Variants in HSPA12A observed in about 807,000 individuals in gnomAD.
HSPA12A encodes the protein heat shock protein family A (Hsp70) member 12A.
A neutral mutation model predicts 69.2 loss-of-function variants in HSPA12A; 28 were observed. The observed-to-expected ratio is 0.40, with a 90% CI of 0.30 to 0.55. HSPA12A has a LOEUF of 0.55. Among genes scored for constraint, HSPA12A ranks in the 20% least tolerant of loss-of-function variants. HSPA12A has a pLI of 0.38. For missense variants in HSPA12A, 686 were observed against 900.7 expected (o/e 0.76, Z 3.05); for synonymous variants, 345 against 370.5 (o/e 0.93, Z 0.79).
intron 1 of HSPA12A, among the ~76,000 whole-genome samples, chr10:116,724,550 G>A (rs1850887808): frequency 6.6e-6 from 1 of 152,146 alleles, no homozygotes; most frequent in Non-Finnish European, 1.5e-5. Flanking sequence ...TGGCCAGTCT[G>A]GAAGGCTCCC....
intron 2 of HSPA12A, among the ~76,000 whole-genome samples, chr10:116,763,498 T>C (rs1472154906): frequency 2.0e-5 from 3 of 152,172 alleles, no homozygotes; most frequent in African/African-American, 2.4e-5. Context: ...CGCTTCTGTT[T>C]GTATAGTGCG....
chr10:116,711,358 C>T (rs1850421507), intron 1 of HSPA12A, among the ~76,000 whole-genome samples: 2 of 152,056 alleles, frequency 1.3e-5, no homozygotes, highest in South Asian at 2.1e-4. Flanking sequence ...TTCCTATAGT[C>T]GAGGCTTGAG....
chr10:116,777,676 T>C (rs1336459131), intron 2 of HSPA12A, among the ~76,000 whole-genome samples: 1 of 152,226 alleles, frequency 6.6e-6, no homozygotes, highest in African/African-American at 2.4e-5. Context: ...ACAAATAAGC[T>C]TAAGTGCATC....
At chr10:116,688,939 T>C (rs1849655707) in intron 6 of HSPA12A, among the ~76,000 whole-genome samples, 1 of 152,232 alleles carries the variant, frequency 6.6e-6, no homozygotes, top group Non-Finnish European at 1.5e-5. Context: ...CTTTCTGTTA[T>C]CATCTTTTCA....
At chr10:116,790,838 G>A (rs11812234) in intron 2 of HSPA12A, among the ~76,000 whole-genome samples, 6,441 of 152,016 alleles carry the variant, frequency 0.042, 364 homozygotes, top group African/African-American at 0.12. Context: ...CTACAGGAGC[G>A]CACCACCACA....
At chr10:116,802,242 A>T (rs1202818309) in intron 2 of HSPA12A, among the ~76,000 whole-genome samples, 1 of 152,198 alleles carries the variant, frequency 6.6e-6, no homozygotes, top group Non-Finnish European at 1.5e-5. Context: ...GTAGGACAAT[A>T]ATCAGTGAAC....
intron 1 of HSPA12A, among the ~76,000 whole-genome samples, chr10:116,719,607 T>C (rs1277402374): frequency 6.6e-6 from 1 of 152,266 alleles, no homozygotes; most frequent in Admixed American, 6.5e-5. Context: ...TCTCTGGTGC[T>C]TGGTTTTCCT....
chr10:116,708,425 A>C (rs1554882741), intron 1 of HSPA12A, among the ~76,000 whole-genome samples: 1 of 152,238 alleles, frequency 6.6e-6, no homozygotes, highest in Non-Finnish European at 1.5e-5. Context: ...CTAGGGGAGC[A>C]GGTGGAATGG....
intron 1 of HSPA12A, among the ~76,000 whole-genome samples, chr10:116,714,034 G>GGGTGGGTGGAT (rs1382301430): frequency 0.028 from 4,187 of 150,964 alleles, 225 homozygotes; most frequent in African/African-American, 0.097. Context: ...ATGGATGGAT[G>GGGTGGGTGGAT]GGTGGGTGGA....
chr10:116,749,946 G>T, intron 2 of HSPA12A: 1 of 187,090 alleles, frequency 5.3e-6, no homozygotes, highest in Non-Finnish European at 1.1e-5. Flanking sequence ...TGCTTTAAGA[G>T]ATACAAAGTG....
intron 2 of HSPA12A, among the ~76,000 whole-genome samples, chr10:116,825,079 T>TG (rs977512645): frequency 2.4e-4 from 36 of 150,188 alleles, no homozygotes; most frequent in African/African-American, 7.9e-4. Flanking sequence ...TCCTAGCTAC[T>TG]GGGGGGCTGT....
chr10:116,691,665 G>A (rs141648059), intron 6 of HSPA12A, among the ~76,000 whole-genome samples: 1,918 of 152,314 alleles, frequency 0.013, 24 homozygotes, highest in Middle Eastern at 0.044. Context: ...AGCATGGCTC[G>A]CCATTCCTGC....
chr10:116,716,688 G>A (rs1163395658), intron 1 of HSPA12A, among the ~76,000 whole-genome samples: 1 of 152,172 alleles, frequency 6.6e-6, no homozygotes, highest in Non-Finnish European at 1.5e-5. Flanking sequence ...TAGAGGAACA[G>A]AAGAAAAACA....
At chr10:116,700,168 C>A (rs1310593252) in intron 4 of HSPA12A, among the ~76,000 whole-genome samples, 1 of 152,160 alleles carries the variant, frequency 6.6e-6, no homozygotes, top group Non-Finnish European at 1.5e-5. Flanking sequence ...TCAAAGGTAC[C>A]AGTGACCAGA....
intron 1 of HSPA12A, among the ~76,000 whole-genome samples, chr10:116,845,174 T>A (rs562313023): frequency 6.6e-6 from 1 of 152,164 alleles, no homozygotes; most frequent in African/African-American, 2.4e-5. Flanking sequence ...CATAAATGTA[T>A]CCCTTTTCAT....
At chr10:116,746,007 C>G (rs1303601652), upstream of HSPA12A, among the ~76,000 whole-genome samples, 1 of 152,108 alleles carries the variant, frequency 6.6e-6, no homozygotes, top group Non-Finnish European at 1.5e-5. Context: ...TGCCAGCTCT[C>G]CAAAGTGGGA....
intron 2 of HSPA12A, among the ~76,000 whole-genome samples, chr10:116,825,975 A>G (rs1172409095): frequency 6.6e-6 from 1 of 152,194 alleles, no homozygotes; most frequent in African/African-American, 2.4e-5. Context: ...GCAGGAATAC[A>G]ACAGAAAGGC....
At position 116,718,218 on chromosome 10, in the gene HSPA12A, C is replaced by T. The variant is rs117228752; in HGVS notation, c.41-10933G>A. ...CACGGCACAGCTAGTGCTGCCTGGA[C>T]TGAGGCTAAAGAAAGGGCCGAGGCC... is the stretch of plus-strand genomic sequence containing the variant. On this transcript the variant is annotated intron_variant, in intron 1 of 11. Transcript: ENST00000369209. Among the ~76,000 whole-genome samples, 12 of 152,350 alleles carry T rather than the reference C, an allele frequency of 7.9e-5. No homozygotes were observed. The East Asian group carries it at 2.3e-3, about 29-fold the overall frequency.
intron 7 of HSPA12A, among the ~76,000 whole-genome samples, chr10:116,682,964 A>G (rs1396993808): frequency 1.3e-5 from 2 of 150,492 alleles, no homozygotes; most frequent in Admixed American, 6.6e-5. Flanking sequence ...CGGCCTCCCA[A>G]AGTGCTGGGA....
Sources: allele counts gnomAD v4.1 joint callset (sites outside exome capture counted in the v4.1 genomes callset), GRCh38; gene constraint gnomAD v4.1.1; transcripts MANE v1.5; gene names NCBI Gene and HGNC (gene_info 2026-07-23, HGNC 2026-07-21).